The following DSCAM variants were observed in gnomAD, a reference collection of about 807,000 sequenced individuals.
DSCAM encodes cell adhesion molecule DSCAM.
A neutral mutation model predicts 217.7 loss-of-function variants in DSCAM; 47 were observed. The observed-to-expected ratio is 0.22, with a 90% CI of 0.17 to 0.28. DSCAM has a LOEUF of 0.28. Ranked by LOEUF, DSCAM falls within the 10% of genes least tolerant of loss-of-function variation. The pLI, the probability that DSCAM is intolerant of heterozygous loss-of-function variation, is 1.00. For synonymous variants in DSCAM, 1,056 were observed against 1,015.3 expected (o/e 1.04, Z -0.76); for missense variants, 2,080 against 2,618.3 (o/e 0.79, Z 4.49).
In DSCAM at chr21:40,708,596, G is replaced by A. The variant is rs754267019; in HGVS notation, c.219C>T (p.Arg73=). 2 of 1,611,062 alleles carry A rather than the reference G, an allele frequency of 1.2e-6. No homozygotes were observed. Among genetic ancestry groups the A allele is most frequent in the Non-Finnish European group, 1.7e-6 (2 of 1,178,572 alleles). ...GEEIYDVPGI[R]HVHPNGTLQI... The stretch of plus-strand genomic sequence containing the variant: ...GGAGAGTGCCGTTGGGGTGGACGTG[G>A]CGGATCCCGGGGACATCGTAGATCT... The change falls in exon 2 of 33, where the codon CGC becomes CGT. Residue 73 remains arginine, a synonymous_variant. Transcript: ENST00000400454.
At chr21:40,504,219 G>T (rs4816687) in intron 3 of DSCAM, among the ~76,000 whole-genome samples, 11,882 of 152,126 alleles carry the variant, frequency 0.078, 625 homozygotes, top group Middle Eastern at 0.15. Context: ...GAAAAGAGTG[G>T]GGCGAGGAGA....
At chr21:40,023,272 T>G (rs2088310571) in intron 32 of DSCAM, among the ~76,000 whole-genome samples, 1 of 152,218 alleles carries the variant, frequency 6.6e-6, no homozygotes, top group African/African-American at 2.4e-5. Flanking sequence ...CAATCATTGT[T>G]GGACATTTGG....
At chr21:40,292,890 C>T (rs2073910909) in intron 10 of DSCAM, among the ~76,000 whole-genome samples, 1 of 152,126 alleles carries the variant, frequency 6.6e-6, no homozygotes, top group East Asian at 1.9e-4. Flanking sequence ...TGGCCGCCAC[C>T]ACGCGTGGCT....
chr21:40,383,694 A>G (rs1304557739), intron 3 of DSCAM: 1 of 152,182 alleles, frequency 6.6e-6, no homozygotes, highest in Non-Finnish European at 1.5e-5. Flanking sequence ...TTTGGAAGGC[A>G]ATTGTATCTG....
intron 3 of DSCAM, among the ~76,000 whole-genome samples, chr21:40,538,743 G>A (rs77963048): frequency 0.041 from 6,167 of 152,250 alleles, 255 homozygotes; most frequent in East Asian, 0.19. Flanking sequence ...AGATCTTAAG[G>A]CCTCTCAGGT....
intron 3 of DSCAM, among the ~76,000 whole-genome samples, chr21:40,390,417 T>C (rs566956355): frequency 9.2e-5 from 14 of 152,186 alleles, no homozygotes; most frequent in Non-Finnish European, 2.1e-4. Context: ...AGAAGGTGGA[T>C]AGCCTTGGGT....
intron 1 of DSCAM, among the ~76,000 whole-genome samples, chr21:40,802,482 CA>C (rs903523554): frequency 1.2e-4 from 19 of 152,166 alleles, no homozygotes; most frequent in Admixed American, 7.8e-4. Flanking sequence ...TTTTGGGGGC[CA>C]GGGGCAAAAG....
chr21:40,409,681 A>G (rs935981218), intron 3 of DSCAM, among the ~76,000 whole-genome samples: 1 of 152,222 alleles, frequency 6.6e-6, no homozygotes, highest in African/African-American at 2.4e-5. Context: ...CCTGCAAGTC[A>G]GTGAAAGTAT....
intron 3 of DSCAM, among the ~76,000 whole-genome samples, chr21:40,379,704 C>T (rs1042865118): frequency 1.3e-5 from 2 of 152,140 alleles, no homozygotes; most frequent in African/African-American, 4.8e-5. Context: ...CTTGTTTGCC[C>T]CACTTACCTG....
At chr21:40,065,320 G>A (rs2089191268) in intron 27 of DSCAM, among the ~76,000 whole-genome samples, 1 of 152,036 alleles carries the variant, frequency 6.6e-6, no homozygotes, top group African/African-American at 2.4e-5. Flanking sequence ...AGATGCCAGG[G>A]CTGAGATGAG....
chr21:40,334,819 A>T (rs982037619), intron 8 of DSCAM, among the ~76,000 whole-genome samples: 1 of 152,082 alleles, frequency 6.6e-6, no homozygotes, highest in African/African-American at 2.4e-5. Context: ...GGCTAAAAGC[A>T]TCCTTTTAAA....
At chr21:40,031,892 C>T (rs2088532055) in intron 32 of DSCAM, among the ~76,000 whole-genome samples, 1 of 152,216 alleles carries the variant, frequency 6.6e-6, no homozygotes, top group Admixed American at 6.5e-5. Flanking sequence ...GCTGCTCTCA[C>T]AGTAGAGACT....
chr21:40,382,710 C>A (rs1029741523), intron 3 of DSCAM, among the ~76,000 whole-genome samples: 9 of 152,170 alleles, frequency 5.9e-5, no homozygotes, highest in African/African-American at 2.2e-4. Context: ...TAGTCTGACC[C>A]CATGAGAATC....
At chr21:40,283,738 GAAT>G (rs1341080141) in intron 10 of DSCAM, among the ~76,000 whole-genome samples, 2 of 152,180 alleles carry the variant, frequency 1.3e-5, no homozygotes, top group African/African-American at 2.4e-5. Flanking sequence ...TGAATAAGGA[GAAT>G]AATCCATTTA....
chr21:40,088,259 G>C (rs146871441), intron 21 of DSCAM, among the ~76,000 whole-genome samples: 103 of 152,222 alleles, frequency 6.8e-4, no homozygotes, highest in African/African-American at 2.4e-3. Flanking sequence ...AGGCAGCCTT[G>C]AACTGATTCA....
At chr21:40,428,565 C>T (rs957369196) in intron 3 of DSCAM, among the ~76,000 whole-genome samples, 2 of 152,126 alleles carry the variant, frequency 1.3e-5, no homozygotes, top group Non-Finnish European at 2.9e-5. Flanking sequence ...CCACCACACA[C>T]TGCTGCAAAT....
chr21:40,326,204 T>C (rs554390392), intron 8 of DSCAM, among the ~76,000 whole-genome samples: 1 of 152,308 alleles, frequency 6.6e-6, no homozygotes, highest in Non-Finnish European at 1.5e-5. Context: ...CAGATGATAA[T>C]GGTGTGGTGT....
At chr21:40,746,935 T>C (rs976077236) in intron 1 of DSCAM, among the ~76,000 whole-genome samples, 5 of 152,004 alleles carry the variant, frequency 3.3e-5, no homozygotes, top group African/African-American at 1.2e-4. Flanking sequence ...TAAAACTTCA[T>C]GGAAATTAAG....
At chr21:40,415,951 A>G (rs2075367506) in intron 3 of DSCAM, among the ~76,000 whole-genome samples, 1 of 152,186 alleles carries the variant, frequency 6.6e-6, no homozygotes, top group African/African-American at 2.4e-5. Context: ...TAGGCAGAAA[A>G]AAAGGTTGGG....
Sources: allele counts gnomAD v4.1 joint callset (sites outside exome capture counted in the v4.1 genomes callset), GRCh38; gene constraint gnomAD v4.1.1; transcripts MANE v1.5; gene names NCBI Gene and HGNC (gene_info 2026-07-23, HGNC 2026-07-21).